The following FOXP2 variants were observed in gnomAD, a reference collection of about 807,000 sequenced individuals.
FOXP2 encodes forkhead box P2, also known as forkhead box protein P2.
In FOXP2, 12 loss-of-function variants were observed where a neutral mutation model predicts 115.8. The observed-to-expected ratio is 0.10, with a 90% CI of 0.07 to 0.17. The LOEUF (loss-of-function observed/expected upper bound fraction) is 0.17. FOXP2 is among the 10% of genes least tolerant of loss of function. The pLI is 1.00. For synonymous variants in FOXP2, 328 were observed against 297.7 expected (o/e 1.10, Z -1.05); for missense variants, 629 against 843.5 (o/e 0.75, Z 3.15).
chr7:114,414,553 G>A (rs1793253292), upstream of FOXP2: 1 of 154,078 alleles, frequency 6.5e-6, no homozygotes. Context: ...GTTAGTAATT[G>A]ATGGTATCTA....
intron 16 of FOXP2, among the ~76,000 whole-genome samples, chr7:114,680,539 C>G (rs1409691184): frequency 6.6e-6 from 1 of 152,114 alleles, no homozygotes; most frequent in African/African-American, 2.4e-5. Flanking sequence ...TGTAATAATA[C>G]AAGTACTTGG....
chr7:114,111,109 C>T (rs1791257233), intron 1 of FOXP2, among the ~76,000 whole-genome samples: 1 of 152,116 alleles, frequency 6.6e-6, no homozygotes, highest in African/African-American at 2.4e-5. Flanking sequence ...TAGAGTGCTG[C>T]ATTAATGCCT....
rs12154339 is a variant in FOXP2, at chr7:114,674,508, C to G, written c.2003+10072C>G. Among the ~76,000 whole-genome samples, 620 of 152,064 alleles carry G rather than the reference C, an allele frequency of 4.1e-3. 4 individuals carry two copies. Among genetic ancestry groups the G allele is most frequent in the Non-Finnish European group, 6.7e-3 (452 of 67,966 alleles). ...TACTGTCCTACTGGCAGCTACTACA[C>G]GCAAACTCATTCAAATAAAAACAAA... is the stretch of plus-strand genomic sequence containing the variant. On this transcript the variant is annotated intron_variant, in intron 16 of 16. Coordinates refer to ENST00000350908, the MANE Select transcript of FOXP2 (RefSeq NM_014491.4).
intron 2 of FOXP2, among the ~76,000 whole-genome samples, chr7:114,514,344 C>A (rs181777274): frequency 6.6e-6 from 1 of 152,124 alleles, no homozygotes; most frequent in African/African-American, 2.4e-5. Context: ...CTATGATGTA[C>A]AACAGATATC....
rs114031094 is a variant in FOXP2 at position 114,596,648 on chromosome 7, T to A, written c.259-31892T>A. Reference sequence around the variant, plus strand: ...AAGGTGCACATGTATTTATAATAATTCTTTTCGGCATCTTGAATGTCCCAT... The same window carrying A: ...AAGGTGCACATGTATTTATAATAATACTTTTCGGCATCTTGAATGTCCCAT... On this transcript the variant is annotated intron_variant, in intron 3 of 16. Coordinates refer to ENST00000350908, the MANE Select transcript of FOXP2 (RefSeq NM_014491.4). 2.3e-3 allele frequency among the ~76,000 whole-genome samples: 353 copies of A among 152,260 alleles called. 1 individual carries two copies. The highest frequency in any genetic ancestry group is 7.7e-3 in the African/African-American group (321 of 41,576).
chr7:114,261,694 G>A (rs1031896136), intron 1 of FOXP2, among the ~76,000 whole-genome samples: 4 of 152,024 alleles, frequency 2.6e-5, no homozygotes, highest in Admixed American at 6.6e-5. Flanking sequence ...ATATATGTGA[G>A]GTGATTAGCA....
chr7:114,628,471 T>G, intron 3 of FOXP2, 69 bp from the exon 4 acceptor site: 1 of 1,581,238 alleles, frequency 6.3e-7, no homozygotes, highest in South Asian at 1.1e-5. Context: ...AACATACTAT[T>G]TGTGAAGTTG....
intron 1 of FOXP2, among the ~76,000 whole-genome samples, chr7:114,120,625 G>C (rs1303004382): frequency 1.3e-5 from 2 of 151,740 alleles, no homozygotes; most frequent in Non-Finnish European, 2.9e-5. Context: ...TTAACATTCT[G>C]TACTCACTAT....
rs548122043 is a variant in FOXP2, at chr7:114,227,791, G to A, written c.-101-60228G>A. Among the ~76,000 whole-genome samples the A allele has an allele frequency of 2.6e-5, 4 of 152,044 alleles. No individual in the cohort carries two copies. The East Asian group carries it at 5.8e-4, about 22-fold the overall frequency. On this transcript the variant is annotated intron_variant, in intron 1 of 17. Coordinates refer to the FOXP2 transcript ENST00000634411. ...AATACCAGTGGAAAATTTTAAACTA[G>A]ACATGAAGCAGCGTTAATACGTACA...
Position 114,415,243 on chromosome 7 carries a change from C to T in FOXP2, c.-128C>T, listed in dbSNP as rs2129199725. On this transcript the variant is annotated 5_prime_UTR_variant, in exon 1 of 17. Transcript: ENST00000350908. ...GACAGTGAGCTAGCTTCTGAGTTTTCCCTTCTTTTTATACTGTTTTCTGTG... is the reference window on the plus strand; with the variant it reads ...GACAGTGAGCTAGCTTCTGAGTTTTTCCTTCTTTTTATACTGTTTTCTGTG... The T allele has an allele frequency of 2.2e-6, 1 of 453,832 alleles. No individual in the cohort carries two copies. Among genetic ancestry groups the T allele is most frequent in the Non-Finnish European group, 4.4e-6 (1 of 226,694 alleles). 28.1% of individuals were successfully genotyped at this position (453,832 alleles called of 1,614,324 possible).
intron 1 of FOXP2, among the ~76,000 whole-genome samples, chr7:114,167,488 C>T (rs906207547): frequency 6.6e-6 from 1 of 152,152 alleles, no homozygotes; most frequent in Non-Finnish European, 1.5e-5. Flanking sequence ...TATGGTTTGG[C>T]TCTGTGTCAC....
chr7:114,374,655 C>G (rs1792096601), intron 2 of FOXP2, among the ~76,000 whole-genome samples: 1 of 152,178 alleles, frequency 6.6e-6, no homozygotes, highest in Admixed American at 6.5e-5. Context: ...CCTACTTTGA[C>G]TTATAATCAT....
chr7:114,677,841 A>T (rs181810263), intron 16 of FOXP2, among the ~76,000 whole-genome samples: 377 of 152,326 alleles, frequency 2.5e-3, no homozygotes, highest in Non-Finnish European at 4.2e-3. Context: ...TGCGAGGTTG[A>T]ATGACCCATA....
intron 1 of FOXP2, among the ~76,000 whole-genome samples, chr7:114,126,352 GT>G (rs1791708692): frequency 6.6e-6 from 1 of 152,084 alleles, no homozygotes; most frequent in African/African-American, 2.4e-5. Flanking sequence ...ATGTATGTGT[GT>G]GTATGTGTCA....
intron 2 of FOXP2, among the ~76,000 whole-genome samples, chr7:114,323,257 C>T (rs1482469463): frequency 1.3e-5 from 2 of 151,960 alleles, no homozygotes; most frequent in Non-Finnish European, 1.5e-5. Flanking sequence ...TTCCTATTAC[C>T]GGAGGTTAAA....
At chr7:114,576,413 G>T (rs1305727761) in intron 3 of FOXP2, among the ~76,000 whole-genome samples, 1 of 151,748 alleles carries the variant, frequency 6.6e-6, no homozygotes, top group Non-Finnish European at 1.5e-5. Flanking sequence ...AGATTCCCAA[G>T]AATATTCTTG....
At chr7:114,623,978 C>G (rs984455986) in intron 3 of FOXP2, among the ~76,000 whole-genome samples, 3 of 151,900 alleles carry the variant, frequency 2.0e-5, no homozygotes, top group Non-Finnish European at 4.4e-5. Context: ...AAATACCACT[C>G]AATTCATTGT....
chr7:114,290,020 C>T (rs1796554765), intron 2 of FOXP2, among the ~76,000 whole-genome samples: 1 of 151,824 alleles, frequency 6.6e-6, no homozygotes. Flanking sequence ...AAATTAACCT[C>T]TGTTAATTTT....
Position 114,635,065 on chromosome 7 carries a change from A to G in FOXP2, c.775+3360A>G, listed in dbSNP as rs904191416. Among the ~76,000 whole-genome samples the G allele has an allele frequency of 9.9e-5, 15 of 152,226 alleles. No homozygotes were observed. In the East Asian group the frequency reaches 2.1e-3, roughly 21 times the overall value. On this transcript the variant is annotated intron_variant, in intron 6 of 16. Coordinates refer to ENST00000350908, the MANE Select transcript of FOXP2 (RefSeq NM_014491.4). ...AGCCTGGATTCTTCTGAATTAACAC[A>G]TTATAGAACTAGAGATTCTCAGAAT...
Sources: allele counts gnomAD v4.1 joint callset (sites outside exome capture counted in the v4.1 genomes callset), GRCh38; gene constraint gnomAD v4.1.1; transcripts MANE v1.5; gene names NCBI Gene and HGNC (gene_info 2026-07-23, HGNC 2026-07-21).